Variants in KCNJ6 observed in about 807,000 individuals in gnomAD.
KCNJ6 encodes G protein-activated inward rectifier potassium channel 2.
A neutral mutation model predicts 34.2 loss-of-function variants in KCNJ6; 9 were observed. That is an observed-to-expected ratio of 0.26 (90% confidence interval 0.16 to 0.46). The LOEUF (loss-of-function observed/expected upper bound fraction) is 0.46, where lower values mean the gene tolerates loss of function less well. Ranked by LOEUF, KCNJ6 falls within the 20% of genes least tolerant of loss-of-function variation. KCNJ6 has a pLI of 1.00. For synonymous variants in KCNJ6, 196 were observed against 207.1 expected (o/e 0.95, Z 0.46); for missense variants, 236 against 531.3 (o/e 0.44, Z 5.46).
chr21:37,634,548 C>G (rs139162860), intron 3 of KCNJ6, among the ~76,000 whole-genome samples: 1 of 152,258 alleles, frequency 6.6e-6, no homozygotes, highest in East Asian at 1.9e-4. Context: ...AACAACCCAA[C>G]TGTCCATTGA....
chr21:37,729,401 G>A (rs2054872701), intron 2 of KCNJ6, among the ~76,000 whole-genome samples: 1 of 152,010 alleles, frequency 6.6e-6, no homozygotes, highest in African/African-American at 2.4e-5. Context: ...ACAGCTCACT[G>A]TAGCCTCAAC....
chr21:37,838,288 T>G (rs2055461971), intron 2 of KCNJ6, among the ~76,000 whole-genome samples: 1 of 152,200 alleles, frequency 6.6e-6, no homozygotes, highest in Non-Finnish European at 1.5e-5. Flanking sequence ...TAAATGTATC[T>G]GGAAACCAAT....
intron 3 of KCNJ6, among the ~76,000 whole-genome samples, chr21:37,680,423 C>T (rs1315229858): frequency 5.3e-5 from 8 of 152,164 alleles, no homozygotes; most frequent in Admixed American, 5.2e-4. Flanking sequence ...TGTCAAATTC[C>T]TGGGTATCCA....
Position 37,609,974 on chromosome 21 carries a change from T to G in KCNJ6, c.*15185A>C, listed in dbSNP as rs1013957351. On this transcript the variant is annotated 3_prime_UTR_variant, in exon 4 of 4. Transcript: ENST00000609713. ...CTCATTTATCTAGAAGGCACCTACC[T>G]CACAGCTCATCTCTCTGCTACCGGG... is the stretch of plus-strand genomic sequence containing the variant. 1 of 152,208 alleles carries G rather than the reference T, an allele frequency of 6.6e-6. No homozygotes were observed. Among genetic ancestry groups the G allele is most frequent in the Non-Finnish European group, 1.5e-5 (1 of 68,052 alleles). 9.4% of individuals were successfully genotyped at this position (152,208 alleles called of 1,614,324 possible). A position where few individuals can be genotyped will look rare whatever the true frequency, so the allele number is the denominator to read the frequency against.
intron 1 of KCNJ6, among the ~76,000 whole-genome samples, chr21:37,871,551 G>C (rs2055652574): frequency 6.6e-6 from 1 of 152,206 alleles, no homozygotes; most frequent in Non-Finnish European, 1.5e-5. Flanking sequence ...ACCACACCCT[G>C]GGCTCTGAGA....
At chr21:37,785,066 C>T (rs1283504528) in intron 2 of KCNJ6, among the ~76,000 whole-genome samples, 1 of 152,140 alleles carries the variant, frequency 6.6e-6, no homozygotes, top group Non-Finnish European at 1.5e-5. Flanking sequence ...GACCTCAGGT[C>T]ACTGCAGAGC....
intron 3 of KCNJ6, among the ~76,000 whole-genome samples, chr21:37,691,073 A>T (rs536569245): frequency 6.6e-6 from 1 of 152,232 alleles, no homozygotes; most frequent in South Asian, 2.1e-4. Context: ...GAGCCACCGT[A>T]CCTGGCCCAG....
At chr21:37,723,651 T>C (rs1218500422) in intron 2 of KCNJ6, among the ~76,000 whole-genome samples, 1 of 152,090 alleles carries the variant, frequency 6.6e-6, no homozygotes, top group Non-Finnish European at 1.5e-5. Context: ...CCCAAGTGAA[T>C]TAACGCAGGA....
Position 37,625,192 on chromosome 21 carries a change from A to G in KCNJ6, c.1239T>C (p.Asp413=). Residue 413 remains aspartate, a synonymous_variant, in exon 4 of 4, where the codon GAT becomes GAC. Coordinates refer to ENST00000609713, the MANE Select transcript of KCNJ6 (RefSeq NM_002240.5). ...TGGATTCATTCTCCAGGTTTGCCACATCACCATTTCTTTCTGTTTGCTCTT... is the reference window on the plus strand; with the variant it reads ...TGGATTCATTCTCCAGGTTTGCCACGTCACCATTTCTTTCTGTTTGCTCTT... ...NLEEQTERNG[D]VANLENESKV is the part of the protein sequence containing the mutation. The G allele has an allele frequency of 6.2e-7, 1 of 1,614,158 alleles. No homozygotes were observed. Among genetic ancestry groups the G allele is most frequent in the Non-Finnish European group, 8.5e-7 (1 of 1,179,992 alleles).
chr21:37,728,256 A>C (rs780082865), intron 2 of KCNJ6, among the ~76,000 whole-genome samples: 36 of 152,204 alleles, frequency 2.4e-4, no homozygotes, highest in Non-Finnish European at 4.3e-4. Context: ...AGAATAGCCA[A>C]ATTCATAGAG....
intron 2 of KCNJ6, among the ~76,000 whole-genome samples, chr21:37,805,528 C>T: frequency 6.6e-6 from 1 of 151,964 alleles, no homozygotes. Context: ...TTTCTTTGCT[C>T]TCTGAGCCTG....
chr21:37,779,513 G>A (rs1027761830), intron 2 of KCNJ6, among the ~76,000 whole-genome samples: 1 of 152,136 alleles, frequency 6.6e-6, no homozygotes, highest in Non-Finnish European at 1.5e-5. Context: ...AGACCCCATT[G>A]CACTTCTAGG....
chr21:37,873,972 C>T (rs1322068937), intron 1 of KCNJ6, among the ~76,000 whole-genome samples: 1 of 152,164 alleles, frequency 6.6e-6, no homozygotes, highest in Non-Finnish European at 1.5e-5. Flanking sequence ...CTTATCTCCA[C>T]TCCCTCTTCA....
At chr21:37,810,510 T>C (rs751180280) in intron 2 of KCNJ6, among the ~76,000 whole-genome samples, 1 of 152,190 alleles carries the variant, frequency 6.6e-6, no homozygotes. Flanking sequence ...GTCAATAAAA[T>C]GTACCTGTTT....
At chr21:37,861,239 T>C (rs921548868) in intron 1 of KCNJ6, among the ~76,000 whole-genome samples, 6 of 152,186 alleles carry the variant, frequency 3.9e-5, no homozygotes, top group African/African-American at 1.2e-4. Context: ...CAACAGGCAT[T>C]TATTTTCTCA....
chr21:37,673,211 G>A (rs1006221290), intron 3 of KCNJ6, among the ~76,000 whole-genome samples: 1 of 152,232 alleles, frequency 6.6e-6, no homozygotes, highest in African/African-American at 2.4e-5. Flanking sequence ...AGAGGGTTGG[G>A]ACCTGAACCA....
intron 3 of KCNJ6, among the ~76,000 whole-genome samples, chr21:37,681,939 A>AAC (rs1310130031): frequency 6.6e-6 from 1 of 152,192 alleles, no homozygotes; most frequent in Non-Finnish European, 1.5e-5. Flanking sequence ...GAATGGGATG[A>AAC]ACACCAGCTG....
intron 2 of KCNJ6, among the ~76,000 whole-genome samples, chr21:37,785,373 C>T (rs2055188135): frequency 6.6e-6 from 1 of 152,170 alleles, no homozygotes; most frequent in Non-Finnish European, 1.5e-5. Context: ...GAAAAACCAC[C>T]TTGTCTGTAA....
At position 37,675,304 on chromosome 21, in the gene KCNJ6, G is replaced by A. The variant is rs1403775735; in HGVS notation, c.946+38907C>T. Among the ~76,000 whole-genome samples the A allele has an allele frequency of 1.3e-5, 2 of 152,260 alleles. No individual in the cohort carries two copies. Among genetic ancestry groups the A allele is most frequent in the Admixed American group, 6.5e-5 (1 of 15,286 alleles). ...TAAAGGCCACACAGATGAGACCTCA[G>A]AGAGGAAGGAATCAAGTTGGCGGGG... On this transcript the variant is annotated intron_variant, in intron 3 of 3. Transcript: ENST00000609713. This position sits in a 1 kb window ranked among gnomAD's most constrained non-coding sequence, Gnocchi z 4.2.
Sources: gnomAD v4.1 joint callset for allele counts (sites outside exome capture counted in the v4.1 genomes callset) on GRCh38, gnomAD v4.1.1 for gene constraint, Gnocchi (gnomAD v3.1) non-coding constraint, MANE v1.5 for transcripts, NCBI Gene and HGNC (gene_info 2026-07-23, HGNC 2026-07-21) for gene names.